The following MGAT4C variants were observed in gnomAD, a reference collection of about 807,000 sequenced individuals.
MGAT4C encodes the protein alpha-1,3-mannosyl-glycoprotein 4-beta-N-acetylglucosaminyltransferase C.
In MGAT4C, 19 loss-of-function variants were observed where a neutral mutation model predicts 40.1. The observed-to-expected ratio is 0.47, with a 90% confidence interval of 0.33 to 0.70. MGAT4C has a LOEUF of 0.70. MGAT4C is among the 30% of genes least tolerant of loss of function. The pLI is 0.02. For missense variants in MGAT4C, 491 were observed against 563.2 expected, an observed-to-expected ratio of 0.87 and a Z score of 1.30; for synonymous variants, 181 against 187.1, an observed-to-expected ratio of 0.97 and a Z score of 0.27.
In MGAT4C at chr12:86,720,008, C is replaced by G. The variant is rs138177733; in HGVS notation, c.-229+7201G>C. Among the ~76,000 whole-genome samples the G allele has an allele frequency of 5.6e-3, 845 of 152,158 alleles. 11 individuals carry two copies. The highest frequency in any genetic ancestry group is 0.019 in the African/African-American group (809 of 41,514). On this transcript the variant is annotated intron_variant, in intron 2 of 7. Transcript: ENST00000548651. Reference sequence around the variant, plus strand: ...GTCTTTTGGGATCCTTAACAGAGGGCTATCTTGAATTTGATCTTTCATTAT... The same window carrying G: ...GTCTTTTGGGATCCTTAACAGAGGGGTATCTTGAATTTGATCTTTCATTAT...
intron 1 of MGAT4C, among the ~76,000 whole-genome samples, chr12:86,766,367 G>A (rs1271749416): frequency 6.6e-6 from 1 of 152,086 alleles, no homozygotes; most frequent in Admixed American, 6.5e-5. Context: ...GATTCATAAA[G>A]CAAGTCCTGA....
chr12:86,188,215 A>G (rs1299999457), intron 1 of MGAT4C, among the ~76,000 whole-genome samples: 1 of 152,104 alleles, frequency 6.6e-6, no homozygotes, highest in Non-Finnish European at 1.5e-5. Context: ...AAGGGAATAG[A>G]GTTTATATTA....
chr12:86,071,073 G>T (rs1868365937), intron 1 of MGAT4C, among the ~76,000 whole-genome samples: 1 of 151,950 alleles, frequency 6.6e-6, no homozygotes, highest in South Asian at 2.1e-4. Context: ...AAATACAGAG[G>T]TAGGCAATGG....
At chr12:86,765,344 C>A (rs914442176) in intron 1 of MGAT4C, among the ~76,000 whole-genome samples, 8 of 152,094 alleles carry the variant, frequency 5.3e-5, no homozygotes, top group Non-Finnish European at 7.4e-5. Flanking sequence ...TGAACAAAGC[C>A]TCCAAGAAAT....
At chr12:86,502,619 A>G (rs1057452100) in intron 2 of MGAT4C, among the ~76,000 whole-genome samples, 29 of 16,340 alleles carry the variant, frequency 1.8e-3, no homozygotes, top group Non-Finnish European at 7.9e-4. Flanking sequence ...ATATATATGT[A>G]TATATATATA....
chr12:86,254,652 G>A (rs1379074457), intron 1 of MGAT4C, among the ~76,000 whole-genome samples: 1 of 151,916 alleles, frequency 6.6e-6, no homozygotes, highest in Middle Eastern at 3.2e-3. Context: ...ATGCTTTCAA[G>A]CTCATATTAT....
At chr12:86,402,178 C>T (rs554573397) in intron 3 of MGAT4C, among the ~76,000 whole-genome samples, 1 of 152,106 alleles carries the variant, frequency 6.6e-6, no homozygotes, top group South Asian at 2.1e-4. Context: ...GGCACAGTGG[C>T]TCACGCTTGT....
intron 2 of MGAT4C, among the ~76,000 whole-genome samples, chr12:86,521,788 T>A (rs2136360166): frequency 6.6e-6 from 1 of 152,158 alleles, no homozygotes. Context: ...TTGGGCAGTG[T>A]TTTGTAGTTC....
At chr12:86,405,819 G>C (rs1956455067) in intron 3 of MGAT4C, among the ~76,000 whole-genome samples, 1 of 150,248 alleles carries the variant, frequency 6.7e-6, no homozygotes, top group African/African-American at 2.4e-5. Context: ...GATATATCCA[G>C]TTGATTTTTA....
intron 2 of MGAT4C, among the ~76,000 whole-genome samples, chr12:86,533,855 CT>C (rs1469987547): frequency 6.6e-6 from 1 of 151,642 alleles, no homozygotes; most frequent in African/African-American, 2.4e-5. Flanking sequence ...TATATTCTTC[CT>C]TTGGAATTCA....
chr12:86,462,981 T>TC (rs1957624616), intron 2 of MGAT4C, among the ~76,000 whole-genome samples: 1 of 149,992 alleles, frequency 6.7e-6, no homozygotes, highest in Non-Finnish European at 1.5e-5. Context: ...CATCCTTCAA[T>TC]CAAGTTGACA....
At position 86,049,531 on chromosome 12, in the gene MGAT4C, A is replaced by G. The variant is rs141658656; in HGVS notation, c.-7+143T>C. On this transcript the variant is annotated intron_variant, in intron 2 of 4. Transcript: ENST00000611864. ...TCATGAAAACAACACTATTGAAGAA[A>G]TAACATAAAACTGATGAGAAAATAT... 1.3e-3 allele frequency: 287 copies of G among 226,766 alleles called. 3 individuals carry two copies. The highest frequency in any genetic ancestry group is 4.7e-3 in the African/African-American group (201 of 42,838). 14.0% of individuals were successfully genotyped at this position (226,766 alleles called of 1,614,324 possible).
At chr12:86,073,376 A>G (rs531876197) in intron 1 of MGAT4C, among the ~76,000 whole-genome samples, 2 of 152,134 alleles carry the variant, frequency 1.3e-5, no homozygotes, top group Admixed American at 1.3e-4. Context: ...AATTGATACC[A>G]TAGATTGGGG....
At chr12:86,053,316 T>G (rs140717958) in intron 1 of MGAT4C, among the ~76,000 whole-genome samples, 1,523 of 151,786 alleles carry the variant, frequency 0.01, 83 homozygotes, top group Non-Finnish European at 3.1e-3. Flanking sequence ...ACTTCTAACT[T>G]AAAAGGCAGG....
At chr12:86,246,767 G>T (rs1381075525) in intron 1 of MGAT4C, among the ~76,000 whole-genome samples, 1 of 152,062 alleles carries the variant, frequency 6.6e-6, no homozygotes, top group Non-Finnish European at 1.5e-5. Flanking sequence ...TTCCTTTTCT[G>T]TTGTAAATTG....
At chr12:86,801,588 A>G (rs185933160) in intron 1 of MGAT4C, among the ~76,000 whole-genome samples, 1 of 151,862 alleles carries the variant, frequency 6.6e-6, no homozygotes, top group East Asian at 1.9e-4. Context: ...AATGAGGGCT[A>G]AGGTGAAGGG....
At chr12:86,768,882 G>A (rs1951570311) in intron 1 of MGAT4C, among the ~76,000 whole-genome samples, 1 of 152,034 alleles carries the variant, frequency 6.6e-6, no homozygotes, top group South Asian at 2.1e-4. Flanking sequence ...ATGGATTAAA[G>A]ACTTAAACAT....
intron 1 of MGAT4C, among the ~76,000 whole-genome samples, chr12:86,252,208 C>T (rs954559547): frequency 7.9e-5 from 12 of 151,966 alleles, no homozygotes; most frequent in Admixed American, 2.6e-4. Context: ...AAATCACATT[C>T]GTACTTTCAA....
At chr12:86,142,600 T>C (rs117735003) in intron 1 of MGAT4C, among the ~76,000 whole-genome samples, 3,688 of 152,242 alleles carry the variant, frequency 0.024, 86 homozygotes, top group Non-Finnish European at 0.037. Flanking sequence ...TACAGCTGAA[T>C]AGCTGAATAT....
Sources: allele counts gnomAD v4.1 joint callset (sites outside exome capture counted in the v4.1 genomes callset), GRCh38; gene constraint gnomAD v4.1.1; transcripts MANE v1.5; gene names NCBI Gene and HGNC (gene_info 2026-07-23, HGNC 2026-07-21).